The following PTPRN2 variants were observed in gnomAD, a reference collection of about 807,000 sequenced individuals.
The protein encoded by PTPRN2 is protein tyrosine phosphatase receptor type N2, also known as receptor-type tyrosine-protein phosphatase N2.
A neutral mutation model predicts 118.8 loss-of-function variants in PTPRN2; 74 were observed. That is an observed-to-expected ratio of 0.62 (90% CI 0.52 to 0.76). The LOEUF (loss-of-function observed/expected upper bound fraction) is 0.76. Ranked by LOEUF, PTPRN2 falls within the 30% of genes least tolerant of loss-of-function variation. PTPRN2 has a pLI of 0.00. For missense variants in PTPRN2, 1,481 were observed against 1,394.4 expected, an observed-to-expected ratio of 1.06 and a Z score of -0.99; for synonymous variants, 641 against 608.0, an observed-to-expected ratio of 1.05 and a Z score of -0.80.
intron 12 of PTPRN2, among the ~76,000 whole-genome samples, chr7:157,699,483 G>T (rs1797964004): frequency 6.6e-6 from 1 of 152,170 alleles, no homozygotes; most frequent in South Asian, 2.1e-4. Flanking sequence ...ACCCAGGCTG[G>T]AGTGCAGTGG....
chr7:157,576,569 C>CGCGCTCA, intron 19 of PTPRN2, 44 bp downstream of exon 19: 2 of 1,548,448 alleles, frequency 1.3e-6, no homozygotes. Context: ...CCCTGTGCCG[C>CGCGCTCA]GCGCTCAGCG....
chr7:157,574,773 G>A (rs2150521213), intron 19 of PTPRN2, among the ~76,000 whole-genome samples: 1 of 152,286 alleles, frequency 6.6e-6, no homozygotes, highest in Admixed American at 6.5e-5. Flanking sequence ...CTGAAATCGG[G>A]GTGGCTATTT....
chr7:157,725,450 CCACA>C (rs1563042367), intron 12 of PTPRN2, among the ~76,000 whole-genome samples: 2,221 of 97,766 alleles, frequency 0.023, 153 homozygotes, highest in Non-Finnish European at 0.026. Flanking sequence ...AACTGGATAT[CCACA>C]TGCAGAGGAG....
Position 157,836,845 on chromosome 7 carries a change from T to TCCA in PTPRN2, c.1788+61827_1788+61828insTGG, listed in dbSNP as rs879379018. Reference sequence around the variant, plus strand: ...CACCAAATCTACAACTGTGTGTCCATTCATCCATCCATCCATCCATCCATC... The same window carrying TCCA: ...CACCAAATCTACAACTGTGTGTCCATCCATCATCCATCCATCCATCCATCCATC... On this transcript the variant is annotated intron_variant, in intron 12 of 22. Transcript: ENST00000389418. 4.8e-3 allele frequency among the ~76,000 whole-genome samples: 727 copies of TCCA among 152,152 alleles called. 6 individuals are homozygous for TCCA. In the Middle Eastern group the frequency reaches 0.058, roughly 12 times the overall value.
At chr7:158,101,475 AC>A (rs1815223444) in intron 10 of PTPRN2, among the ~76,000 whole-genome samples, 1 of 152,248 alleles carries the variant, frequency 6.6e-6, no homozygotes, top group Non-Finnish European at 1.5e-5. Flanking sequence ...AGACTTCATG[AC>A]AAAGAACCCA....
intron 10 of PTPRN2, among the ~76,000 whole-genome samples, chr7:158,081,625 A>G (rs149259519): frequency 3.6e-4 from 55 of 152,302 alleles, no homozygotes; most frequent in Middle Eastern, 6.8e-3. Flanking sequence ...ATGCTATCCT[A>G]AAAAATTCAC....
At chr7:158,188,316 C>G (rs1825406682) in intron 5 of PTPRN2, among the ~76,000 whole-genome samples, 1 of 116,746 alleles carries the variant, frequency 8.6e-6, no homozygotes, top group Non-Finnish European at 1.7e-5. Flanking sequence ...ATGGGGAAGG[C>G]CGCCACGCTC....
intron 2 of PTPRN2, among the ~76,000 whole-genome samples, chr7:158,487,115 C>A (rs534851286): frequency 3.9e-5 from 6 of 152,390 alleles, no homozygotes; most frequent in African/African-American, 1.4e-4. Flanking sequence ...CTCACTTCCT[C>A]TTCAAGGCTG....
intron 9 of PTPRN2, among the ~76,000 whole-genome samples, chr7:158,121,646 C>T (rs1817186684): frequency 6.6e-6 from 1 of 152,300 alleles, no homozygotes; most frequent in South Asian, 2.1e-4. Context: ...CTCCATGCTC[C>T]AATATGGAAA....
chr7:158,331,779 G>C (rs896727954), intron 2 of PTPRN2, among the ~76,000 whole-genome samples: 15 of 149,866 alleles, frequency 1.0e-4, no homozygotes, highest in African/African-American at 3.3e-4. Context: ...CATAAGAGCT[G>C]TCACGCACAG....
At chr7:158,053,888 C>A (rs1012452610) in intron 11 of PTPRN2, among the ~76,000 whole-genome samples, 2 of 149,412 alleles carry the variant, frequency 1.3e-5, no homozygotes, top group East Asian at 2.0e-4. Flanking sequence ...GATGCAGAGA[C>A]CCCAGAGATG....
At chr7:158,362,623 C>T (rs1299227515) in intron 2 of PTPRN2, among the ~76,000 whole-genome samples, 1 of 152,144 alleles carries the variant, frequency 6.6e-6, no homozygotes. Flanking sequence ...CCCCAGGAGC[C>T]CCAGTTTCTC....
intron 10 of PTPRN2, among the ~76,000 whole-genome samples, chr7:158,084,934 TCGACGCCCATCCACACCCA>T (rs1171117762): frequency 2.3e-3 from 107 of 46,472 alleles, no homozygotes; most frequent in African/African-American, 6.3e-3. Context: ...ATCCACACCC[TCGACGCCCATCCACACCCA>T]CGACGCCCAT....
chr7:158,151,720 C>T (rs188898930), intron 6 of PTPRN2, among the ~76,000 whole-genome samples: 59 of 152,262 alleles, frequency 3.9e-4, no homozygotes, highest in African/African-American at 1.3e-3. Flanking sequence ...CTCCCTCCCT[C>T]CCTTGCTAGC....
At chr7:158,206,170 C>G (rs1446166507) in intron 3 of PTPRN2, among the ~76,000 whole-genome samples, 2 of 152,312 alleles carry the variant, frequency 1.3e-5, no homozygotes, top group Non-Finnish European at 1.5e-5. Context: ...AAAGAGACTC[C>G]TTCCTTCTCC....
intron 21 of PTPRN2, among the ~76,000 whole-genome samples, chr7:157,551,730 C>G (rs1798629442): frequency 6.9e-6 from 1 of 145,874 alleles, no homozygotes; most frequent in African/African-American, 2.5e-5. Flanking sequence ...CCACAGCCAC[C>G]ACACAACCCA....
chr7:157,562,212 A>G (rs970667573), intron 21 of PTPRN2, among the ~76,000 whole-genome samples: 2 of 152,168 alleles, frequency 1.3e-5, no homozygotes, highest in Non-Finnish European at 2.9e-5. Context: ...CGAGGCAGGC[A>G]CCCAAGGTCT....
chr7:158,073,326 A>C (rs73171569), intron 11 of PTPRN2, among the ~76,000 whole-genome samples: 2 of 152,090 alleles, frequency 1.3e-5, no homozygotes, highest in Non-Finnish European at 2.9e-5. Context: ...AGGAAGGAGC[A>C]TGGTGGGCAC....
intron 11 of PTPRN2, among the ~76,000 whole-genome samples, chr7:157,901,174 G>A (rs1384340034): frequency 2.0e-5 from 3 of 152,208 alleles, no homozygotes; most frequent in Non-Finnish European, 4.4e-5. Flanking sequence ...AGTTAAGAGA[G>A]CGAGAAGTCG....
Sources: allele counts gnomAD v4.1 joint callset (sites outside exome capture counted in the v4.1 genomes callset), GRCh38; gene constraint gnomAD v4.1.1; transcripts MANE v1.5; gene names NCBI Gene and HGNC (gene_info 2026-07-23, HGNC 2026-07-21).